The following SLC35F1 variants were observed in gnomAD, a reference collection of about 807,000 sequenced individuals.
SLC35F1 encodes the protein chromosome 6 open reading frame 169.
SLC35F1 carries 14 observed loss-of-function variants against 48.7 expected under a neutral mutation model. The observed-to-expected ratio is 0.29, with a 90% CI of 0.19 to 0.45. The LOEUF is 0.45. SLC35F1 is among the 20% of genes least tolerant of loss of function. The probability of loss-of-function intolerance (pLI) is 1.00; values close to 1 mark genes in which losing one functional copy is unlikely to be tolerated. For synonymous variants in SLC35F1, 190 were observed against 202.2 expected, an observed-to-expected ratio of 0.94 and a Z score of 0.51; for missense variants, 404 against 500.0, an observed-to-expected ratio of 0.81 and a Z score of 1.83.
chr6:117,908,611 A>G (rs1421722540), intron 1 of SLC35F1, among the ~76,000 whole-genome samples: 1 of 152,216 alleles, frequency 6.6e-6, no homozygotes, highest in Non-Finnish European at 1.5e-5. Flanking sequence ...CGGCGCCTCC[A>G]GTGCTGGAAT....
intron 1 of SLC35F1, among the ~76,000 whole-genome samples, chr6:117,929,124 A>G (rs1171754156): frequency 6.6e-6 from 1 of 151,556 alleles, no homozygotes; most frequent in Non-Finnish European, 1.5e-5. Context: ...CTTTTGACCA[A>G]CTCTTCTTTC....
At chr6:118,203,107 C>A (rs1774891613) in intron 2 of SLC35F1, among the ~76,000 whole-genome samples, 1 of 152,232 alleles carries the variant, frequency 6.6e-6, no homozygotes, top group Non-Finnish European at 1.5e-5. Context: ...TCTCACACAG[C>A]AGTCAAGATC....
chr6:118,153,085 A>G (rs1461706464), intron 1 of SLC35F1, among the ~76,000 whole-genome samples: 1 of 152,148 alleles, frequency 6.6e-6, no homozygotes. Flanking sequence ...AATATAGCTG[A>G]TGTTTTTTCT....
At chr6:118,172,887 T>C (rs1418230562) in intron 2 of SLC35F1, among the ~76,000 whole-genome samples, 1 of 152,146 alleles carries the variant, frequency 6.6e-6, no homozygotes, top group African/African-American at 2.4e-5. Flanking sequence ...TAAGATTTTC[T>C]GAAGCAACAG....
At chr6:118,065,590 A>T (rs1772602653) in intron 1 of SLC35F1, among the ~76,000 whole-genome samples, 1 of 152,250 alleles carries the variant, frequency 6.6e-6, no homozygotes, top group Admixed American at 6.5e-5. Context: ...TAAAAGCTGC[A>T]TAAAAAACCT....
At chr6:118,186,666 A>T (rs997424837) in intron 2 of SLC35F1, among the ~76,000 whole-genome samples, 1 of 152,206 alleles carries the variant, frequency 6.6e-6, no homozygotes, top group East Asian at 1.9e-4. Flanking sequence ...GTAAGCATTG[A>T]CTGAGCTGCT....
chr6:118,288,175 T>G (rs1262085010), intron 7 of SLC35F1, among the ~76,000 whole-genome samples: 1 of 152,212 alleles, frequency 6.6e-6, no homozygotes, highest in African/African-American at 2.4e-5. Flanking sequence ...ACTTGTAGAT[T>G]CACGTGCACT....
At chr6:118,168,870 A>G (rs368692833) in intron 2 of SLC35F1, among the ~76,000 whole-genome samples, 3 of 152,238 alleles carry the variant, frequency 2.0e-5, no homozygotes, top group East Asian at 1.9e-4. Context: ...AAGTGAAAAC[A>G]CGGTGGAAGA....
chr6:117,922,459 A>T (rs1376554771), intron 1 of SLC35F1, among the ~76,000 whole-genome samples: 5 of 152,238 alleles, frequency 3.3e-5, no homozygotes, highest in Non-Finnish European at 7.3e-5. Flanking sequence ...TGATTAGCAG[A>T]TGCAAAGAAG....
At chr6:118,068,144 C>G (rs2114288892) in intron 1 of SLC35F1, among the ~76,000 whole-genome samples, 1 of 152,128 alleles carries the variant, frequency 6.6e-6, no homozygotes, top group South Asian at 2.1e-4. Context: ...TTATTTGAGC[C>G]CTCAGTGTAT....
chr6:118,103,971 A>G (rs890177133), intron 1 of SLC35F1, among the ~76,000 whole-genome samples: 7 of 152,220 alleles, frequency 4.6e-5, no homozygotes, highest in Non-Finnish European at 1.5e-5. Flanking sequence ...TACACTTAAA[A>G]AGTAAACACA....
At chr6:117,965,026 A>T (rs1776543201) in intron 1 of SLC35F1, among the ~76,000 whole-genome samples, 1 of 152,158 alleles carries the variant, frequency 6.6e-6, no homozygotes, top group Non-Finnish European at 1.5e-5. Flanking sequence ...ATGAGTGAGG[A>T]GTCTGACATC....
At chr6:118,135,125 G>C (rs1181809559) in intron 1 of SLC35F1, among the ~76,000 whole-genome samples, 2 of 152,106 alleles carry the variant, frequency 1.3e-5, no homozygotes, top group Non-Finnish European at 2.9e-5. Flanking sequence ...CATCCTGCTA[G>C]GCATTTTGTA....
chr6:118,216,131 G>A (rs1775069501), intron 2 of SLC35F1, among the ~76,000 whole-genome samples: 1 of 148,072 alleles, frequency 6.8e-6, no homozygotes, highest in East Asian at 2.0e-4. Flanking sequence ...AGGCTGGCGT[G>A]CAGTGGCAAA....
At chr6:117,942,689 T>C (rs542138844) in intron 1 of SLC35F1, among the ~76,000 whole-genome samples, 4 of 152,322 alleles carry the variant, frequency 2.6e-5, no homozygotes, top group African/African-American at 9.6e-5. Context: ...TGGTCAAATA[T>C]TGGCATGACT....
chr6:118,184,640 T>A (rs1235264743), intron 2 of SLC35F1, among the ~76,000 whole-genome samples: 1 of 152,232 alleles, frequency 6.6e-6, no homozygotes, highest in Non-Finnish European at 1.5e-5. Flanking sequence ...CATACATGTC[T>A]GTCTTCACAC....
chr6:118,102,887 G>A (rs185414511), intron 1 of SLC35F1, among the ~76,000 whole-genome samples: 127 of 152,304 alleles, frequency 8.3e-4, no homozygotes, highest in Non-Finnish European at 1.4e-3. Flanking sequence ...CTAGTGGAGT[G>A]GAAAGAACTG....
At chr6:118,240,023 G>A (rs1258174866) in intron 3 of SLC35F1, among the ~76,000 whole-genome samples, 1 of 152,082 alleles carries the variant, frequency 6.6e-6, no homozygotes, top group African/African-American at 2.4e-5. Context: ...ATTTTCCCTT[G>A]TTTCTATAAA....
intron 1 of SLC35F1, among the ~76,000 whole-genome samples, chr6:118,039,725 GTTC>G (rs966544184): frequency 2.2e-5 from 3 of 135,940 alleles, no homozygotes; most frequent in African/African-American, 5.3e-5. Context: ...CAGATTTTCT[GTTC>G]TTCTTGTAGC....
Sources: allele counts gnomAD v4.1 joint callset (sites outside exome capture counted in the v4.1 genomes callset), GRCh38; gene constraint gnomAD v4.1.1; transcripts MANE v1.5; gene names NCBI Gene and HGNC (gene_info 2026-07-23, HGNC 2026-07-21).